OSBPL9: variants seen among roughly 807,000 people sequenced by gnomAD.
The protein encoded by OSBPL9 is oxysterol binding protein like 9.
A neutral mutation model predicts 106.6 loss-of-function variants in OSBPL9; 40 were observed. The observed-to-expected ratio is 0.38, with a 90% CI of 0.29 to 0.49. The LOEUF (loss-of-function observed/expected upper bound fraction) is 0.49, where lower values mean the gene tolerates loss of function less well. OSBPL9 is among the 20% of genes least tolerant of loss of function. The probability of loss-of-function intolerance (pLI) is 0.97; values close to 1 mark genes in which losing one functional copy is unlikely to be tolerated. For missense variants in OSBPL9, 609 were observed against 887.2 expected, an observed-to-expected ratio of 0.69 and a Z score of 3.98; for synonymous variants, 269 against 295.4, an observed-to-expected ratio of 0.91 and a Z score of 0.92.
At chr1:51,784,816 C>A in intron 20 of OSBPL9, 1 of 533,996 alleles carries the variant, frequency 1.9e-6, no homozygotes, top group Admixed American at 3.6e-5. Context: ...ACCTGACTTG[C>A]AATGTTGAAC....
intron 4 of OSBPL9, among the ~76,000 whole-genome samples, chr1:51,737,575 TG>T (rs1665986842): frequency 1.3e-5 from 2 of 151,252 alleles, no homozygotes; most frequent in African/African-American, 2.4e-5. Context: ...TGTGTGTGTG[TG>T]TGTGTGTACA....
At chr1:51,616,982 G>C (rs1570550006), upstream of OSBPL9, 1 of 1,484,536 alleles carries the variant, frequency 6.7e-7, no homozygotes, top group South Asian at 1.3e-5. Context: ...TTGATCGCTG[G>C]AGCATCTGCC....
chr1:51,711,523 C>T (rs1172799103), intron 3 of OSBPL9, among the ~76,000 whole-genome samples: 18 of 118,864 alleles, frequency 1.5e-4, no homozygotes, highest in East Asian at 2.4e-4. Flanking sequence ...TGACCCCCCA[C>T]CTCCCTCCCG....
At chr1:51,713,511 A>G (rs1186016392) in intron 3 of OSBPL9, among the ~76,000 whole-genome samples, 5 of 152,192 alleles carry the variant, frequency 3.3e-5, no homozygotes, top group Non-Finnish European at 7.3e-5. Flanking sequence ...AACAGAAAGT[A>G]GAGTTCTCAT....
At chr1:51,756,710 G>C in intron 9 of OSBPL9, 1 of 213,682 alleles carries the variant, frequency 4.7e-6, no homozygotes, top group Non-Finnish European at 9.5e-6. Context: ...GGGGGTGGGG[G>C]AGTACAATAT....
chr1:51,750,373 T>G (rs1045142001), intron 8 of OSBPL9, among the ~76,000 whole-genome samples, 178 bp downstream of exon 8: 2 of 152,220 alleles, frequency 1.3e-5, no homozygotes, highest in African/African-American at 4.8e-5. Flanking sequence ...AGCTACTGTT[T>G]CTGGTAATGT....
chr1:51,560,094 T>C, the OSBPL9 span, among the ~76,000 whole-genome samples: 1 of 152,098 alleles, frequency 6.6e-6, no homozygotes, highest in African/African-American at 2.4e-5. Context: ...AGAAAATAAA[T>C]AAACAAACTA....
chr1:51,772,224 T>C, intron 13 of OSBPL9, 42 bp downstream of exon 13: 6 of 1,511,508 alleles, frequency 4.0e-6, no homozygotes, highest in Non-Finnish European at 5.4e-6. Context: ...TCTTTAAAAA[T>C]ATTTGTGGCC....
intron 3 of OSBPL9, among the ~76,000 whole-genome samples, chr1:51,693,773 A>G (rs1655465133): frequency 2.0e-5 from 3 of 152,208 alleles, no homozygotes; most frequent in Admixed American, 2.0e-4. Flanking sequence ...TATATATACC[A>G]TCTGACTACT....
intron 4 of OSBPL9, among the ~76,000 whole-genome samples, chr1:51,737,081 C>G (rs1358061333): frequency 1.3e-5 from 2 of 151,680 alleles, no homozygotes; most frequent in Non-Finnish European, 2.9e-5. Flanking sequence ...TTATATTGGC[C>G]ACTTTTCATT....
intron 3 of OSBPL9, among the ~76,000 whole-genome samples, chr1:51,689,653 A>G (rs1182650698): frequency 1.3e-5 from 2 of 152,234 alleles, no homozygotes; most frequent in African/African-American, 2.4e-5. Context: ...GCAGAGGTCA[A>G]GTTTACCAAA....
the OSBPL9 span, among the ~76,000 whole-genome samples, chr1:51,523,409 A>T: frequency 2.3e-4 from 35 of 152,032 alleles, no homozygotes; most frequent in South Asian, 4.0e-3. Context: ...ACCCAGACAA[A>T]TTGCTGCTTT....
intron 1 of OSBPL9, chr1:51,577,321 C>CTTTTTTTTTT (rs762583157): frequency 1.5e-5 from 2 of 129,894 alleles, no homozygotes; most frequent in African/African-American, 2.9e-5. Flanking sequence ...TTTTTCTTTT[C>CTTTTTTTTTT]TTTTTTTTTT....
At chr1:51,737,079 G>A (rs747357644) in intron 4 of OSBPL9, among the ~76,000 whole-genome samples, 19 of 151,824 alleles carry the variant, frequency 1.3e-4, no homozygotes, top group Non-Finnish European at 1.5e-4. Context: ...GGTTATATTG[G>A]CCACTTTTCA....
At chr1:51,624,127 G>A (rs566635847) in intron 1 of OSBPL9, among the ~76,000 whole-genome samples, 8 of 151,920 alleles carry the variant, frequency 5.3e-5, no homozygotes, top group Admixed American at 3.9e-4. Context: ...ATGTTGACCA[G>A]GCTGATCTTG....
intron 11 of OSBPL9, 37 bp from the exon 12 acceptor site, chr1:51,765,785 A>G (rs779903851): frequency 1.3e-6 from 2 of 1,551,632 alleles, no homozygotes; most frequent in Non-Finnish European, 1.7e-6. Flanking sequence ...CTTCTCTTTC[A>G]CCAATATTTT....
At chr1:51,655,110 A>G (rs1452250769) in intron 2 of OSBPL9, among the ~76,000 whole-genome samples, 1 of 152,206 alleles carries the variant, frequency 6.6e-6, no homozygotes, top group Non-Finnish European at 1.5e-5. Flanking sequence ...CCATACACAC[A>G]AAAACACCCA....
At chr1:51,544,758 A>T in the OSBPL9 span, among the ~76,000 whole-genome samples, 1 of 151,964 alleles carries the variant, frequency 6.6e-6, no homozygotes, top group Non-Finnish European at 1.5e-5. Context: ...TAATAATAAC[A>T]TTAAATGTAA....
At chr1:51,610,217 A>G (rs1440117117) in intron 2 of OSBPL9, among the ~76,000 whole-genome samples, 1 of 152,188 alleles carries the variant, frequency 6.6e-6, no homozygotes, top group Non-Finnish European at 1.5e-5. Context: ...GTGGGTGTCC[A>G]AAGAAACTCT....
Sources: allele counts gnomAD v4.1 joint callset (sites outside exome capture counted in the v4.1 genomes callset), GRCh38; gene constraint gnomAD v4.1.1; transcripts MANE v1.5; gene names NCBI Gene and HGNC (gene_info 2026-07-23, HGNC 2026-07-21).